RBM22: variants seen among roughly 807,000 people sequenced by gnomAD.
The protein encoded by RBM22 is RNA binding motif protein 22.
In RBM22, 1 loss-of-function variant was observed where a neutral mutation model predicts 50.1. The ratio of observed to expected loss-of-function variants is 0.02; its 90% CI spans 0.01 to 0.09. The LOEUF is 0.09. RBM22 is among the 10% of genes least tolerant of loss of function. The pLI, the probability that RBM22 is intolerant of heterozygous loss-of-function variation, is 1.00. For synonymous variants in RBM22, 152 were observed against 179.0 expected, an observed-to-expected ratio of 0.85 and a Z score of 1.20; for missense variants, 264 against 529.3, an observed-to-expected ratio of 0.50 and a Z score of 4.92.
At chr5:150,694,028 T>C (rs1428424241) in intron 8 of RBM22, 48 bp downstream of exon 8, 1 of 1,586,426 alleles carries the variant, frequency 6.3e-7, no homozygotes, top group Non-Finnish European at 8.6e-7. Context: ...TGAAATAGTT[T>C]CTTAAAAATC....
Position 150,700,503 on chromosome 5 carries a change from G to A in RBM22, c.55-6C>T. 6.2e-7 allele frequency: 1 copy of A among 1,614,126 alleles called. No homozygotes were observed. On this transcript the variant is annotated splice_polypyrimidine_tract_variant and splice_region_variant and intron_variant, in intron 1 of 10. Coordinates refer to ENST00000199814, the MANE Select transcript of RBM22 (RefSeq NM_018047.3). ...TGGCACAGAATGGGGAAGTCCTGGTGAAAATGGGAAATCTGGTTGAGGACC... is the reference window on the plus strand; with the variant it reads ...TGGCACAGAATGGGGAAGTCCTGGTAAAAATGGGAAATCTGGTTGAGGACC...
At chr5:150,693,048 A>G (rs370758071) in intron 9 of RBM22, 22 bp from the exon 10 acceptor site, 4 of 1,596,644 alleles carry the variant, frequency 2.5e-6, no homozygotes, top group Non-Finnish European at 3.4e-6. Flanking sequence ...AAAATAGTCA[A>G]CACATAGAGG....
chr5:150,690,853 C>T lies in RBM22; in HGVS notation c.*898G>A, dbSNP rs1759198252. 6.6e-6 allele frequency: 1 copy of T among 152,324 alleles called. No individual in the cohort carries two copies. The allele number at this position is 152,324 out of a possible 1,614,324, so 9.4% of individuals were successfully genotyped here. On this transcript the variant is annotated 3_prime_UTR_variant, in exon 11 of 11. Transcript: ENST00000199814. ...AAACACATCAAATTTCCTTTACCAT[C>T]TACAATTCAGTTATATCCAAACACT...
At chr5:150,700,879 A>G (rs759776198) in intron 1 of RBM22, 53 bp downstream of exon 1, 108 of 1,613,936 alleles carry the variant, frequency 6.7e-5, no homozygotes, top group Non-Finnish European at 8.6e-5. Context: ...GCCAGCTTGC[A>G]AGGTGCGCGG....
chr5:150,700,998 C>T lies in RBM22; in HGVS notation c.-13G>A. On this transcript the variant is annotated 5_prime_UTR_variant, in exon 1 of 11. Transcript: ENST00000199814. ...GAGAGGTCGCCATCTTGAGAGCGTC[C>T]GGAGGTAGCTGTAGCTTCCGAATTG... The T allele has an allele frequency of 3.7e-6, 6 of 1,614,174 alleles. No individual in the cohort carries two copies. The highest frequency in any genetic ancestry group is 1.1e-5 in the South Asian group (1 of 91,080).
At chr5:150,693,375 TC>T in intron 8 of RBM22, 68 bp from the exon 9 acceptor site, 1 of 1,264,990 alleles carries the variant, frequency 7.9e-7, no homozygotes. Context: ...CTTCTTACAT[TC>T]CCCAGTCCAA....
At chr5:150,699,302 G>T (rs753186238) in intron 2 of RBM22, 31 bp from the exon 3 acceptor site, 1 of 1,543,220 alleles carries the variant, frequency 6.5e-7, no homozygotes, top group South Asian at 1.3e-5. Context: ...AAAAGAACTG[G>T]AGTTACAGAA....
rs570019787 is a variant in RBM22 at position 150,695,291 on chromosome 5, C to T, written c.746+215G>A. 3.5e-5 allele frequency: 19 copies of T among 543,828 alleles called. No individual in the cohort carries two copies. The African/African-American group carries it at 3.6e-4, about 10-fold the overall frequency. The allele number at this position is 543,828 out of a possible 1,614,324, so 33.7% of individuals were successfully genotyped here. ...AGATCCTCCCAAAGTGTTGAGATTA[C>T]AGGCATGAGGCACTGTGCCCAGCCA... is the stretch of plus-strand genomic sequence containing the variant. On this transcript the variant is annotated intron_variant, in intron 7 of 10. Coordinates refer to ENST00000199814, the MANE Select transcript of RBM22 (RefSeq NM_018047.3).
rs1203697514 is a variant in RBM22, at chr5:150,691,587, G to T, written c.*164C>A. On this transcript the variant is annotated 3_prime_UTR_variant, in exon 11 of 11. Transcript: ENST00000199814. Reference sequence around the variant, plus strand: ...CTTATTTACGGTCCATCGATCCTTTGAACAAGTATAGGAAAGCATGGCTGT... The same window carrying T: ...CTTATTTACGGTCCATCGATCCTTTTAACAAGTATAGGAAAGCATGGCTGT... 1 of 822,870 alleles carries T rather than the reference G, an allele frequency of 1.2e-6. No homozygotes were observed. Among genetic ancestry groups the T allele is most frequent in the East Asian group, 3.0e-5 (1 of 33,666 alleles). The allele number at this position is 822,870 out of a possible 1,614,324, so 51.0% of individuals were successfully genotyped here. A position where few individuals can be genotyped will look rare whatever the true frequency, so the allele number is the denominator to read the frequency against.
chr5:150,695,495 TACCCACAA>T lies in RBM22; in HGVS notation c.746+3_746+10del. 1 of 1,601,684 alleles carries T rather than the reference TACCCACAA, an allele frequency of 6.2e-7. No individual in the cohort carries two copies. The highest frequency in any genetic ancestry group is 8.5e-7 in the Non-Finnish European group (1 of 1,170,680). ...AAGGCAAAAATAACTCTCTAACTTATACCCACAAACCTTAAATCTGTCTCAGTAATGGT... is the reference window on the plus strand; with the variant it reads ...AAGGCAAAAATAACTCTCTAACTTATACCTTAAATCTGTCTCAGTAATGGT... On this transcript the variant is annotated splice_donor_5th_base_variant and intron_variant, in intron 7 of 10. Transcript: ENST00000199814.
Position 150,693,398 on chromosome 5 carries a change from C to T in RBM22, c.912-91G>A, listed in dbSNP as rs527293519. On this transcript the variant is annotated intron_variant, in intron 8 of 10. Coordinates refer to ENST00000199814, the MANE Select transcript of RBM22 (RefSeq NM_018047.3). ...ATTCCCCAGTCCAATGGAGTTCCTT[C>T]GCTCTACCTCCTCCTCAGCACACAC... is the stretch of plus-strand genomic sequence containing the variant. The T allele has an allele frequency of 7.3e-6, 7 of 954,292 alleles. No individual in the cohort carries two copies. In the South Asian group the frequency reaches 8.6e-5, roughly 12 times the overall value. The allele number at this position is 954,292 out of a possible 1,614,324, so 59.1% of individuals were successfully genotyped here.
At chr5:150,699,539 C>A (rs986077277) in intron 2 of RBM22, among the ~76,000 whole-genome samples, 1 of 152,224 alleles carries the variant, frequency 6.6e-6, no homozygotes, top group Non-Finnish European at 1.5e-5. Flanking sequence ...AATCCCAACA[C>A]TTTGAGAGGC....
intron 4 of RBM22, 76 bp downstream of exon 4, chr5:150,698,423 A>G: frequency 6.5e-7 from 1 of 1,533,770 alleles, no homozygotes; most frequent in Non-Finnish European, 8.9e-7. Context: ...CTAGGGTGCG[A>G]AGTGGGAGAC....
At chr5:150,692,311 C>A (rs1374232198) in intron 10 of RBM22, among the ~76,000 whole-genome samples, 1 of 152,146 alleles carries the variant, frequency 6.6e-6, no homozygotes, top group African/African-American at 2.4e-5. Context: ...GAACTGGCTA[C>A]CTGTGATTTC....
At position 150,700,516 on chromosome 5, in the gene RBM22, C is replaced by T; in HGVS notation, c.55-19G>A. The T allele has an allele frequency of 6.2e-7, 1 of 1,614,070 alleles. No homozygotes were observed. Among genetic ancestry groups the T allele is most frequent in the Non-Finnish European group, 8.5e-7 (1 of 1,180,020 alleles). Reference sequence around the variant, plus strand: ...GGAAGTCCTGGTGAAAATGGGAAATCTGGTTGAGGACCACCCTCCGAAGAC... The same window carrying T: ...GGAAGTCCTGGTGAAAATGGGAAATTTGGTTGAGGACCACCCTCCGAAGAC... On this transcript the variant is annotated intron_variant, in intron 1 of 10. Transcript: ENST00000199814.
chr5:150,693,136 G>T, intron 9 of RBM22, 83 bp downstream of exon 9: 2 of 1,544,296 alleles, frequency 1.3e-6, no homozygotes, highest in South Asian at 1.2e-5. Context: ...GCGGCAACAT[G>T]AACCAGACCT....
intron 3 of RBM22, 33 bp from the exon 4 acceptor site, chr5:150,698,664 A>G (rs1187583662): frequency 3.7e-6 from 6 of 1,612,050 alleles, no homozygotes; most frequent in Middle Eastern, 3.3e-4. Context: ...TAGAATGTCA[A>G]TGGTCCTGAT....
Position 150,693,059 on chromosome 5 carries a change from G to A in RBM22, c.1001-33C>T. On this transcript the variant is annotated intron_variant, in intron 9 of 10. Coordinates refer to ENST00000199814, the MANE Select transcript of RBM22 (RefSeq NM_018047.3). ...AGAGAAAATAGTCAACACATAGAGG[G>A]GAGAACAATTGTGCAACGCTGTTTC... 1.3e-6 allele frequency: 2 copies of A among 1,587,400 alleles called. 1 individual carries two copies. Among genetic ancestry groups the A allele is most frequent in the South Asian group, 2.3e-5 (2 of 86,434 alleles).
rs967254562 is a variant in RBM22, at chr5:150,690,985, C to T, written c.*766G>A. On this transcript the variant is annotated 3_prime_UTR_variant, in exon 11 of 11. Coordinates refer to ENST00000199814, the MANE Select transcript of RBM22 (RefSeq NM_018047.3). Reference sequence around the variant, plus strand: ...CAGGAGGTCACGTCTTTCATTCAGACGCTCCAATGCTTTTCATTTCAGTTT... The same window carrying T: ...CAGGAGGTCACGTCTTTCATTCAGATGCTCCAATGCTTTTCATTTCAGTTT... 2.6e-5 allele frequency: 4 copies of T among 152,312 alleles called. No homozygotes were observed. Among genetic ancestry groups the T allele is most frequent in the Admixed American group, 2.6e-4 (4 of 15,274 alleles). The allele number at this position is 152,312 out of a possible 1,614,324, so 9.4% of individuals were successfully genotyped here. A position where few individuals can be genotyped will look rare whatever the true frequency, so the allele number is the denominator to read the frequency against.
Sources: allele counts gnomAD v4.1 joint callset (sites outside exome capture counted in the v4.1 genomes callset), GRCh38; gene constraint gnomAD v4.1.1; transcripts MANE v1.5; gene names NCBI Gene and HGNC (gene_info 2026-07-23, HGNC 2026-07-21).